Variants in GSE1 observed in about 807,000 individuals in gnomAD.
The protein encoded by GSE1 is genetic suppressor element 1.
GSE1 carries 32 observed loss-of-function variants against 112.6 expected under a neutral mutation model. That is an observed-to-expected ratio of 0.28 (90% confidence interval 0.21 to 0.38). GSE1 has a LOEUF of 0.38. Among genes scored for constraint, GSE1 ranks in the 10% least tolerant of loss-of-function variants. The pLI is 1.00. For synonymous variants in GSE1, 1,115 were observed against 735.6 expected, an observed-to-expected ratio of 1.52 and a Z score of -8.35; for missense variants, 2,348 against 1,699.2, an observed-to-expected ratio of 1.38 and a Z score of -6.71.
upstream of GSE1, among the ~76,000 whole-genome samples, chr16:85,552,215 C>A (rs1274376435): frequency 2.0e-5 from 3 of 151,758 alleles, no homozygotes; most frequent in Non-Finnish European, 2.9e-5. Context: ...TTAGTAGAGA[C>A]GGGGTTTCAC....
chr16:85,247,432 G>T, intron 1 of GSE1, among the ~76,000 whole-genome samples: 1 of 152,220 alleles, frequency 6.6e-6, no homozygotes, highest in East Asian at 1.9e-4. Flanking sequence ...GACTGTACAG[G>T]CTCCAGAAGG....
chr16:85,317,056 G>A (rs768208700), intron 1 of GSE1, among the ~76,000 whole-genome samples: 3 of 152,164 alleles, frequency 2.0e-5, no homozygotes, highest in Non-Finnish European at 2.9e-5. Flanking sequence ...ATTCCCTCCC[G>A]TAAAAGTCTC....
Position 85,675,716 on chromosome 16 carries a change from C to T in GSE1, c.*3177C>T, listed in dbSNP as rs1467012296. The T allele has an allele frequency of 1.3e-5, 2 of 152,268 alleles. No homozygotes were observed. The highest frequency in any genetic ancestry group is 2.9e-5 in the Non-Finnish European group (2 of 68,052). 9.4% of individuals were successfully genotyped at this position (152,268 alleles called of 1,614,324 possible). On this transcript the variant is annotated 3_prime_UTR_variant, in exon 16 of 16. Transcript: ENST00000253458. ...ACCCCTTTCCCTGAGCCACATGTTT[C>T]ACACAAGTGTAGAAAATGCCAGGGA...
intron 2 of GSE1, among the ~76,000 whole-genome samples, chr16:85,374,638 A>G (rs2047379694): frequency 6.6e-6 from 1 of 152,068 alleles, no homozygotes; most frequent in Non-Finnish European, 1.5e-5. Context: ...TGAGGGCAGT[A>G]GCGTGGAGGC....
chr16:85,306,615 C>G (rs1175713976), intron 1 of GSE1, among the ~76,000 whole-genome samples: 2 of 152,178 alleles, frequency 1.3e-5, no homozygotes, highest in Admixed American at 6.5e-5. Context: ...GTGGTACAGT[C>G]ATAGCTCACT....
chr16:85,548,932 G>A (rs560123035), intron 2 of GSE1, among the ~76,000 whole-genome samples: 1 of 152,294 alleles, frequency 6.6e-6, no homozygotes, highest in East Asian at 1.9e-4. Context: ...TGGGATTACA[G>A]GCGTGCGCCA....
intron 2 of GSE1, among the ~76,000 whole-genome samples, chr16:85,417,257 A>G (rs2048723614): frequency 6.6e-6 from 1 of 152,184 alleles, no homozygotes; most frequent in East Asian, 1.9e-4. Flanking sequence ...CCTCAACCCC[A>G]CTAGATGCCA....
chr16:85,415,568 C>A lies in GSE1; in HGVS notation c.2464+57925C>A, dbSNP rs759548714. 1.3e-5 allele frequency among the ~76,000 whole-genome samples: 2 copies of A among 152,256 alleles called. 1 individual carries two copies. Among genetic ancestry groups the A allele is most frequent in the Non-Finnish European group, 2.9e-5 (2 of 68,042 alleles). ...CGCCTTCTCAGCCCCCGTCCCCTAC[C>A]AGCCAGGGCCCCGAGCAAACCCTTC... is the stretch of plus-strand genomic sequence containing the variant. On this transcript the variant is annotated intron_variant, in intron 2 of 2. Transcript: ENST00000637419.
At chr16:85,188,792 C>G (rs1567599054) in intron 1 of GSE1, among the ~76,000 whole-genome samples, 1 of 148,086 alleles carries the variant, frequency 6.8e-6, no homozygotes. Flanking sequence ...TAGAGTGGGA[C>G]CTTATCTCTA....
chr16:85,436,704 G>C (rs1315532051), intron 2 of GSE1, among the ~76,000 whole-genome samples: 1 of 152,240 alleles, frequency 6.6e-6, no homozygotes, highest in Admixed American at 6.5e-5. Flanking sequence ...CGAAGGGCCC[G>C]TGGGCGCCTG....
chr16:85,217,384 C>T (rs978031103), intron 1 of GSE1, among the ~76,000 whole-genome samples: 10 of 152,188 alleles, frequency 6.6e-5, no homozygotes, highest in African/African-American at 2.2e-4. Flanking sequence ...GAAGCCGCCA[C>T]GCCTGGGACC....
At position 85,661,553 on chromosome 16, in the gene GSE1, A is replaced by C; in HGVS notation, c.2048A>C (p.Gln683Pro). ...CTGGCTGAGCTCGAGAAGTCCACCC[A>C]GACCATCCTGGGCCAGCAGCGGGCC... ...PFLAELEKSTQTILGQQRASL... is the reference protein window; with the variant it reads ...PFLAELEKSTPTILGQQRASL... Residue 683 changes from glutamine (Q) to proline (P), a missense_variant, in exon 9 of 16, where the codon CAG (glutamine) becomes CCG (proline). Physicochemically the swap from Gln to Pro is moderately conservative, Grantham distance 76. Transcript: ENST00000253458. 1.2e-6 allele frequency: 2 copies of C among 1,611,772 alleles called. No homozygotes were observed. Among genetic ancestry groups the C allele is most frequent in the Non-Finnish European group, 1.7e-6 (2 of 1,179,638 alleles).
intron 2 of GSE1, among the ~76,000 whole-genome samples, chr16:85,381,291 C>A (rs1219785154): frequency 6.6e-6 from 1 of 152,200 alleles, no homozygotes; most frequent in East Asian, 1.9e-4. Flanking sequence ...CGAACTTCAT[C>A]CCTTTTTATG....
chr16:85,641,887 C>G (rs1412723075), intron 2 of GSE1, among the ~76,000 whole-genome samples: 1 of 152,246 alleles, frequency 6.6e-6, no homozygotes, highest in Non-Finnish European at 1.5e-5. Context: ...TGGCCGGGCT[C>G]CTTTCCACAT....
intron 2 of GSE1, among the ~76,000 whole-genome samples, chr16:85,411,565 C>T (rs1399740153): frequency 2.5e-5 from 1 of 39,490 alleles, no homozygotes; most frequent in African/African-American, 1.0e-4. Flanking sequence ...CTCACTGTTA[C>T]ACTCAGGGCC....
At chr16:85,546,288 G>C (rs2151220926) in intron 2 of GSE1, among the ~76,000 whole-genome samples, 1 of 152,182 alleles carries the variant, frequency 6.6e-6, no homozygotes, top group South Asian at 2.1e-4. Flanking sequence ...GTTTCACCAT[G>C]TTGGCCAGGC....
Position 85,663,111 on chromosome 16 carries a change from C to G in GSE1, c.2373+18C>G. 6.6e-7 allele frequency: 1 copy of G among 1,517,660 alleles called. No individual in the cohort carries two copies. Among genetic ancestry groups the G allele is most frequent in the South Asian group, 1.1e-5 (1 of 89,158 alleles). The allele number at this position is 1,517,660 out of a possible 1,614,324, so 94.0% of individuals were successfully genotyped here. ...CCTCTGAGGTACTGGGCTCTCCTCC[C>G]CACGGACATGCTCTGGGCTGGGCTC... On this transcript the variant is annotated intron_variant, in intron 10 of 15. Transcript: ENST00000253458.
At chr16:85,217,003 C>T (rs544391877) in intron 1 of GSE1, among the ~76,000 whole-genome samples, 4 of 152,198 alleles carry the variant, frequency 2.6e-5, no homozygotes, top group East Asian at 1.9e-4. Context: ...AGGAGCGGGG[C>T]GCTGTGGTTG....
intron 1 of GSE1, among the ~76,000 whole-genome samples, chr16:85,213,402 A>G (rs902536634): frequency 6.6e-6 from 1 of 152,116 alleles, no homozygotes; most frequent in African/African-American, 2.4e-5. Flanking sequence ...GTAGTGAGCT[A>G]TCATCGTGCC....
Sources: gnomAD v4.1 joint callset for allele counts (sites outside exome capture counted in the v4.1 genomes callset) on GRCh38, gnomAD v4.1.1 for gene constraint, MANE v1.5 for transcripts, NCBI Gene and HGNC (gene_info 2026-07-23, HGNC 2026-07-21) for gene names.